GABRG3: variants seen among roughly 807,000 people sequenced by gnomAD.
GABRG3 encodes the protein gamma-aminobutyric acid type A receptor subunit gamma3.
In GABRG3, 25 loss-of-function variants were observed where a neutral mutation model predicts 48.8. That is an observed-to-expected ratio of 0.51 (90% confidence interval 0.37 to 0.72). GABRG3 has a LOEUF of 0.72. GABRG3 is among the 30% of genes least tolerant of loss of function. The pLI, the probability that GABRG3 is intolerant of heterozygous loss-of-function variation, is 0.00. For missense variants in GABRG3, 394 were observed against 577.9 expected, an observed-to-expected ratio of 0.68 and a Z score of 3.26; for synonymous variants, 227 against 217.6, an observed-to-expected ratio of 1.04 and a Z score of -0.38.
chr15:27,098,661 T>C (rs534033310), intron 3 of GABRG3, among the ~76,000 whole-genome samples: 30 of 152,256 alleles, frequency 2.0e-4, no homozygotes, highest in African/African-American at 7.2e-4. Flanking sequence ...GAAAGTCTCC[T>C]AAGTCTAGTA....
At chr15:27,283,786 T>G (rs1158578680) in intron 3 of GABRG3, among the ~76,000 whole-genome samples, 18 of 152,212 alleles carry the variant, frequency 1.2e-4, no homozygotes. Context: ...ATGTTGGTTT[T>G]TGAGTCCTTG....
At chr15:27,454,189 T>C (rs1256271726) in intron 5 of GABRG3, among the ~76,000 whole-genome samples, 1 of 152,250 alleles carries the variant, frequency 6.6e-6, no homozygotes, top group African/African-American at 2.4e-5. Flanking sequence ...CCTTTTGGTA[T>C]GCCTTTAATA....
chr15:27,221,519 C>T (rs1430709715), intron 3 of GABRG3, among the ~76,000 whole-genome samples: 1 of 152,044 alleles, frequency 6.6e-6, no homozygotes, highest in Non-Finnish European at 1.5e-5. Flanking sequence ...AGAAAATTAG[C>T]CTGTTTAAAG....
At chr15:27,409,611 T>A (rs1174866820) in intron 5 of GABRG3, among the ~76,000 whole-genome samples, 1 of 152,120 alleles carries the variant, frequency 6.6e-6, no homozygotes, top group South Asian at 2.1e-4. Context: ...GAATAGCTTA[T>A]CTTATGTAGC....
rs936202862 is a variant in GABRG3, at chr15:27,180,493, C to T, written c.271-146316C>T. ...TTGCACTAGATTCATCACGAAGCAC[C>T]GACTGCTGCGCTTCCCTCAACAAAC... On this transcript the variant is annotated intron_variant, in intron 3 of 9. Coordinates refer to ENST00000615808, the MANE Select transcript of GABRG3 (RefSeq NM_033223.5). The surrounding 1 kb of genome is among the most constrained non-coding windows in gnomAD (Gnocchi z 4.2). Among the ~76,000 whole-genome samples, 3 of 151,940 alleles carry T rather than the reference C, an allele frequency of 2.0e-5. No individual in the cohort carries two copies. The highest frequency in any genetic ancestry group is 6.6e-5 in the Admixed American group (1 of 15,258).
intron 5 of GABRG3, among the ~76,000 whole-genome samples, chr15:27,369,663 C>T (rs1285790330): frequency 6.6e-6 from 1 of 151,836 alleles, no homozygotes; most frequent in Non-Finnish European, 1.5e-5. Context: ...AAAAATTAAC[C>T]AGACGTGGTA....
At chr15:27,057,192 G>A (rs1896563432) in intron 3 of GABRG3, among the ~76,000 whole-genome samples, 1 of 152,044 alleles carries the variant, frequency 6.6e-6, no homozygotes, top group Admixed American at 6.5e-5. Flanking sequence ...TTCCAAGGGT[G>A]GATCTTTCTT....
At chr15:27,343,913 C>T (rs951957493) in intron 5 of GABRG3, among the ~76,000 whole-genome samples, 1 of 152,052 alleles carries the variant, frequency 6.6e-6, no homozygotes, top group Admixed American at 6.5e-5. Flanking sequence ...GGACTGCCTT[C>T]TATACTTCTA....
At chr15:27,071,298 C>G (rs1026603147) in intron 3 of GABRG3, among the ~76,000 whole-genome samples, 9 of 152,132 alleles carry the variant, frequency 5.9e-5, no homozygotes, top group Admixed American at 5.2e-4. Flanking sequence ...CCTTTTGCCA[C>G]CCTACCCCCT....
intron 3 of GABRG3, among the ~76,000 whole-genome samples, chr15:27,204,790 T>C (rs1888801160): frequency 6.6e-6 from 1 of 152,134 alleles, no homozygotes; most frequent in African/African-American, 2.4e-5. Context: ...TATGTCATTC[T>C]TTTTGTGGCC....
Position 27,135,688 on chromosome 15 carries a change from C to T in GABRG3, c.270+108867C>T, listed in dbSNP as rs1022362994. On this transcript the variant is annotated intron_variant, in intron 3 of 9. Transcript: ENST00000615808. ...TTGGGAGCCCGAGGCAGGTGGGTCA[C>T]GAGGTCAGGAGTTTGAGACCAGCCT... Among the ~76,000 whole-genome samples the T allele has an allele frequency of 1.1e-3, 170 of 152,006 alleles. 1 individual carries two copies. The highest frequency in any genetic ancestry group is 2.1e-3 in the Non-Finnish European group (141 of 67,984).
At chr15:27,107,700 A>T (rs1897475466) in intron 3 of GABRG3, among the ~76,000 whole-genome samples, 1 of 151,992 alleles carries the variant, frequency 6.6e-6, no homozygotes, top group Admixed American at 6.6e-5. Flanking sequence ...GATGGCATTT[A>T]ATCACTAATG....
At chr15:27,396,313 AAAC>A (rs1212928096) in intron 5 of GABRG3, among the ~76,000 whole-genome samples, 8 of 152,236 alleles carry the variant, frequency 5.3e-5, no homozygotes, top group African/African-American at 1.9e-4. Flanking sequence ...AGCAATAAGA[AAAC>A]AAGCAACCCA....
In GABRG3 at chr15:27,130,002, A is replaced by AT. The variant is rs1202747499; in HGVS notation, c.270+103182dup. 6.6e-5 allele frequency among the ~76,000 whole-genome samples: 10 copies of AT among 152,094 alleles called. 1 individual carries two copies. Among genetic ancestry groups the AT allele is most frequent in the South Asian group, 4.1e-4 (2 of 4,826 alleles). ...ATGTAAATATTGTCTCACATGCTAT[A>AT]TGTTGTCTTTTCACTTTGTTGATAG... On this transcript the variant is annotated intron_variant, in intron 3 of 9. Transcript: ENST00000615808.
intron 3 of GABRG3, among the ~76,000 whole-genome samples, chr15:27,246,468 G>A (rs565368793): frequency 3.9e-4 from 59 of 152,194 alleles, no homozygotes; most frequent in African/African-American, 1.3e-3. Flanking sequence ...GTATAAGGTG[G>A]TTTTCATTCT....
At chr15:27,233,583 C>T (rs559627519) in intron 3 of GABRG3, among the ~76,000 whole-genome samples, 8 of 152,230 alleles carry the variant, frequency 5.3e-5, no homozygotes, top group African/African-American at 7.2e-5. Flanking sequence ...AATCTCATCA[C>T]GAAGGCTCCA....
At chr15:26,987,207 G>A (rs1425503171) in intron 2 of GABRG3, among the ~76,000 whole-genome samples, 1 of 151,122 alleles carries the variant, frequency 6.6e-6, no homozygotes. Context: ...GCAGTGAGCC[G>A]AGATCACACC....
At chr15:27,264,330 A>C (rs1364372441) in intron 3 of GABRG3, among the ~76,000 whole-genome samples, 1 of 152,192 alleles carries the variant, frequency 6.6e-6, no homozygotes, top group Non-Finnish European at 1.5e-5. Flanking sequence ...AATTACCCTA[A>C]ACTAAATGCT....
chr15:27,445,874 G>A (rs747032272), intron 5 of GABRG3, among the ~76,000 whole-genome samples: 5 of 151,982 alleles, frequency 3.3e-5, no homozygotes, highest in Non-Finnish European at 5.9e-5. Context: ...ATATCCAATT[G>A]TGCCAGCACC....
Sources: gnomAD v4.1 joint callset for allele counts (sites outside exome capture counted in the v4.1 genomes callset) on GRCh38, gnomAD v4.1.1 for gene constraint, Gnocchi (gnomAD v3.1) non-coding constraint, MANE v1.5 for transcripts, NCBI Gene and HGNC (gene_info 2026-07-23, HGNC 2026-07-21) for gene names.